The following LINGO2 variants were observed in gnomAD, a reference collection of about 807,000 sequenced individuals.
LINGO2 encodes leucine-rich repeat and immunoglobulin-like domain-containing nogo receptor-interacting protein 2.
LINGO2 carries 14 observed loss-of-function variants against 30.6 expected under a neutral mutation model. The observed-to-expected ratio is 0.46, with a 90% CI of 0.30 to 0.72. The LOEUF (loss-of-function observed/expected upper bound fraction) is 0.72. Ranked by LOEUF, LINGO2 falls within the 30% of genes least tolerant of loss-of-function variation. LINGO2 has a pLI of 0.07. For synonymous variants in LINGO2, 317 were observed against 288.5 expected, an observed-to-expected ratio of 1.10 and a Z score of -1.00; for missense variants, 729 against 751.7, an observed-to-expected ratio of 0.97 and a Z score of 0.35.
chr9:29,167,997 T>C, the LINGO2 span, among the ~76,000 whole-genome samples: 1 of 152,128 alleles, frequency 6.6e-6, no homozygotes, highest in Non-Finnish European at 1.5e-5. Flanking sequence ...GTAATGATGA[T>C]TCATCTATAT....
chr9:27,971,951 T>C (rs992768863), intron 5 of LINGO2, among the ~76,000 whole-genome samples: 1 of 152,200 alleles, frequency 6.6e-6, no homozygotes, highest in African/African-American at 2.4e-5. Flanking sequence ...ATGGAAAATA[T>C]TGGTATATGT....
the LINGO2 span, among the ~76,000 whole-genome samples, chr9:29,045,337 C>T: frequency 6.6e-6 from 1 of 152,094 alleles, no homozygotes; most frequent in Non-Finnish European, 1.5e-5. Flanking sequence ...AAGGGGACTA[C>T]TGTACTTTCA....
rs150485122 is a variant in LINGO2, at chr9:28,418,341, C to T, written c.-278-45473G>A. Among the ~76,000 whole-genome samples the T allele has an allele frequency of 6.7e-3, 941 of 141,482 alleles. 38 individuals carry two copies. The East Asian group carries it at 0.099, about 15-fold the overall frequency. 92.8% of individuals were successfully genotyped at this position (141,482 alleles called of 152,430 possible). ...TAGCCCAGGCTGGAGTGCAGTGGCA[C>T]AATCTTGGCTCACTGCAACCTCTGT... is the stretch of plus-strand genomic sequence containing the variant. On this transcript the variant is annotated intron_variant, in intron 2 of 5. Coordinates refer to ENST00000379992, the Ensembl canonical transcript of LINGO2.
At chr9:28,414,026 T>C (rs1190177336) in intron 2 of LINGO2, among the ~76,000 whole-genome samples, 1 of 152,088 alleles carries the variant, frequency 6.6e-6, no homozygotes, top group Non-Finnish European at 1.5e-5. Context: ...GACATATATT[T>C]GCACTGAATC....
intron 2 of LINGO2, among the ~76,000 whole-genome samples, chr9:28,408,868 G>T (rs1044260165): frequency 1.3e-5 from 2 of 151,384 alleles, no homozygotes; most frequent in African/African-American, 2.4e-5. Flanking sequence ...CACTTTCTTT[G>T]AAGTTCATAA....
the LINGO2 span, among the ~76,000 whole-genome samples, chr9:28,950,381 G>T: frequency 6.6e-6 from 1 of 152,130 alleles, no homozygotes; most frequent in Non-Finnish European, 1.5e-5. Context: ...CATAATATCG[G>T]AAGTTCTGGC....
the LINGO2 span, among the ~76,000 whole-genome samples, chr9:28,692,926 A>C: frequency 6.6e-6 from 1 of 152,172 alleles, no homozygotes; most frequent in Admixed American, 6.5e-5. Flanking sequence ...GTAGAGGAAA[A>C]GACTACTTGC....
rs1175502778 is a variant in LINGO2 at position 28,451,739 on chromosome 9, G to C, written c.-279+24201C>G. Among the ~76,000 whole-genome samples the C allele has an allele frequency of 2.6e-5, 4 of 151,472 alleles. No homozygotes were observed. The East Asian group carries it at 7.7e-4, about 29-fold the overall frequency. On this transcript the variant is annotated intron_variant, in intron 2 of 5. Transcript: ENST00000379992. ...TGCCATCAGTCTGTATGAATATTTT[G>C]GTGTTATATCTGATATTATAAAGGG...
At chr9:28,287,343 C>A (rs1033844340) in intron 4 of LINGO2, among the ~76,000 whole-genome samples, 1 of 152,190 alleles carries the variant, frequency 6.6e-6, no homozygotes, top group African/African-American at 2.4e-5. Context: ...TGTGCTCCAG[C>A]TCATTAGAGG....
chr9:29,068,612 T>C, the LINGO2 span, among the ~76,000 whole-genome samples: 1 of 151,940 alleles, frequency 6.6e-6, no homozygotes, highest in African/African-American at 2.4e-5. Context: ...TAGTGCTGGT[T>C]AATGTTTTCA....
the LINGO2 span, among the ~76,000 whole-genome samples, chr9:28,728,180 T>G: frequency 6.6e-6 from 1 of 152,222 alleles, no homozygotes; most frequent in African/African-American, 2.4e-5. Flanking sequence ...TTTTGCAACC[T>G]ATTTCACCTG....
At chr9:28,483,771 C>T (rs957511819) in intron 1 of LINGO2, among the ~76,000 whole-genome samples, 2 of 151,892 alleles carry the variant, frequency 1.3e-5, no homozygotes, top group Non-Finnish European at 2.9e-5. Flanking sequence ...TGATTCATTT[C>T]CTAACATTTT....
the LINGO2 span, among the ~76,000 whole-genome samples, chr9:28,976,171 T>C: frequency 2.0e-5 from 3 of 152,142 alleles, no homozygotes; most frequent in Non-Finnish European, 4.4e-5. Context: ...AACTGAGACA[T>C]TATTAAAGGT....
chr9:29,000,709 A>C, the LINGO2 span, among the ~76,000 whole-genome samples: 1 of 151,764 alleles, frequency 6.6e-6, no homozygotes, highest in African/African-American at 2.4e-5. Flanking sequence ...CCCACCATTA[A>C]AAAAAATTAT....
intron 4 of LINGO2, among the ~76,000 whole-genome samples, chr9:28,168,243 G>A (rs936035496): frequency 1.3e-5 from 2 of 152,172 alleles, no homozygotes; most frequent in African/African-American, 4.8e-5. Context: ...AGCCAATACA[G>A]TTTTTGATTA....
the LINGO2 span, among the ~76,000 whole-genome samples, chr9:28,914,782 T>C: frequency 6.6e-6 from 1 of 152,194 alleles, no homozygotes; most frequent in African/African-American, 2.4e-5. Context: ...TGTATACAGT[T>C]ACAAGTACAG....
the LINGO2 span, among the ~76,000 whole-genome samples, chr9:28,747,805 C>A: frequency 6.6e-6 from 1 of 152,048 alleles, no homozygotes; most frequent in African/African-American, 2.4e-5. Flanking sequence ...AAGCCCAATT[C>A]GATGTCATAA....
chr9:28,467,689 A>G (rs1825369240), intron 2 of LINGO2, among the ~76,000 whole-genome samples: 1 of 152,110 alleles, frequency 6.6e-6, no homozygotes, highest in Non-Finnish European at 1.5e-5. Flanking sequence ...ATGAGTAAAA[A>G]TTGGTTGATC....
the LINGO2 span, among the ~76,000 whole-genome samples, chr9:28,877,860 G>C: frequency 2.0e-5 from 3 of 151,870 alleles, no homozygotes; most frequent in Admixed American, 6.6e-5. Flanking sequence ...CCATTTTCAC[G>C]ATATTGATTC....
Sources: allele counts gnomAD v4.1 joint callset (sites outside exome capture counted in the v4.1 genomes callset), GRCh38; gene constraint gnomAD v4.1.1; transcripts MANE v1.5; gene names NCBI Gene and HGNC (gene_info 2026-07-23, HGNC 2026-07-21).